PPP3CC: variants seen among roughly 807,000 people sequenced by gnomAD.
The protein encoded by PPP3CC is protein phosphatase 3 catalytic subunit gamma.
Under a neutral mutation model 60.3 loss-of-function variants are expected in PPP3CC, and 35 were observed. The ratio of observed to expected loss-of-function variants is 0.58; its 90% CI spans 0.44 to 0.77. The LOEUF (loss-of-function observed/expected upper bound fraction) is 0.77, where lower values mean the gene tolerates loss of function less well. Ranked by LOEUF, PPP3CC falls within the 30% of genes least tolerant of loss-of-function variation. The probability of loss-of-function intolerance (pLI) is 0.00; values close to 1 mark genes in which losing one functional copy is unlikely to be tolerated. For missense variants in PPP3CC, 570 were observed against 628.9 expected (o/e 0.91, Z 1.00); for synonymous variants, 206 against 224.3 (o/e 0.92, Z 0.73).
chr8:22,495,966 C>G (rs1203595379), intron 3 of PPP3CC, among the ~76,000 whole-genome samples: 1 of 152,168 alleles, frequency 6.6e-6, no homozygotes, highest in Non-Finnish European at 1.5e-5. Flanking sequence ...TCACCTACAC[C>G]AGGCTTAAGA....
intron 1 of PPP3CC, among the ~76,000 whole-genome samples, chr8:22,451,416 G>A (rs1837021822): frequency 1.3e-5 from 2 of 152,232 alleles, no homozygotes; most frequent in Non-Finnish European, 2.9e-5. Context: ...GATTACAGGC[G>A]TGAGCCACTG....
chr8:22,442,258 T>A (rs1213574729), intron 1 of PPP3CC, among the ~76,000 whole-genome samples: 2 of 152,208 alleles, frequency 1.3e-5, no homozygotes, highest in Non-Finnish European at 2.9e-5. Flanking sequence ...ACAACCCTTC[T>A]CTCTGAGATT....
At chr8:22,524,029 T>C (rs1839477006) in intron 8 of PPP3CC, among the ~76,000 whole-genome samples, 1 of 152,218 alleles carries the variant, frequency 6.6e-6, no homozygotes, top group African/African-American at 2.4e-5. Flanking sequence ...TCTCTGAGCC[T>C]CATCTTTAAA....
chr8:22,451,340 T>G (rs963445006), intron 1 of PPP3CC, among the ~76,000 whole-genome samples: 1 of 150,900 alleles, frequency 6.6e-6, no homozygotes, highest in Non-Finnish European at 1.5e-5. Context: ...TTCACCATGT[T>G]GGCCAGGCTG....
At chr8:22,474,035 T>C (rs1242080272) in intron 1 of PPP3CC, among the ~76,000 whole-genome samples, 1 of 151,964 alleles carries the variant, frequency 6.6e-6, no homozygotes, top group Non-Finnish European at 1.5e-5. Flanking sequence ...GCTGGGATTA[T>C]GGGCACTTGT....
At chr8:22,475,927 C>G (rs1230347867) in intron 3 of PPP3CC, among the ~76,000 whole-genome samples, 1 of 152,132 alleles carries the variant, frequency 6.6e-6, no homozygotes, top group Non-Finnish European at 1.5e-5. Flanking sequence ...ACATAAATTG[C>G]TGTTCACCCT....
At chr8:22,527,351 T>C (rs1212841214) in intron 8 of PPP3CC, 41 bp from the exon 9 acceptor site, 2 of 1,607,022 alleles carry the variant, frequency 1.2e-6, no homozygotes. Context: ...TGCCATGCCA[T>C]GTTCCTCTGT....
intron 9 of PPP3CC, among the ~76,000 whole-genome samples, chr8:22,528,142 C>G (rs1457493465): frequency 6.6e-6 from 1 of 152,170 alleles, no homozygotes; most frequent in East Asian, 1.9e-4. Context: ...TGTACAGCTA[C>G]TCAAATTAGC....
At chr8:22,536,176 A>G (rs958726880) in intron 12 of PPP3CC, among the ~76,000 whole-genome samples, 1 of 152,266 alleles carries the variant, frequency 6.6e-6, no homozygotes, top group Non-Finnish European at 1.5e-5. Flanking sequence ...TTTCACAGAA[A>G]GTATCAGTAA....
intron 2 of PPP3CC, 42 bp downstream of exon 2, chr8:22,475,193 T>A (rs1837850519): frequency 6.6e-7 from 1 of 1,524,846 alleles, no homozygotes; most frequent in Non-Finnish European, 9.0e-7. Context: ...CAGTATAGAT[T>A]TGCATGAGCA....
chr8:22,508,757 C>G (rs1288552556), intron 4 of PPP3CC, among the ~76,000 whole-genome samples: 1 of 152,194 alleles, frequency 6.6e-6, no homozygotes, highest in Non-Finnish European at 1.5e-5. Context: ...CTAGGATTTT[C>G]AGGAGAAAAA....
intron 3 of PPP3CC, among the ~76,000 whole-genome samples, chr8:22,487,734 C>T (rs1838267487): frequency 2.0e-5 from 3 of 152,124 alleles, no homozygotes; most frequent in African/African-American, 7.2e-5. Context: ...TTAAAGGGAA[C>T]ATTTTCAGCA....
intron 3 of PPP3CC, among the ~76,000 whole-genome samples, chr8:22,491,509 A>G (rs533732547): frequency 2.0e-5 from 3 of 152,168 alleles, no homozygotes; most frequent in Non-Finnish European, 4.4e-5. Flanking sequence ...CCTTTCAGAG[A>G]TAGGTTAAAC....
At chr8:22,485,950 C>T (rs983423853) in intron 3 of PPP3CC, among the ~76,000 whole-genome samples, 20 of 152,094 alleles carry the variant, frequency 1.3e-4, no homozygotes, top group Non-Finnish European at 2.1e-4. Flanking sequence ...ATTTCAGTAG[C>T]CATTAGATAA....
At chr8:22,447,683 A>G (rs1223899323) in intron 1 of PPP3CC, among the ~76,000 whole-genome samples, 1 of 152,040 alleles carries the variant, frequency 6.6e-6, no homozygotes, top group Non-Finnish European at 1.5e-5. Flanking sequence ...AAAACTTTCA[A>G]CCTAACCTAA....
At chr8:22,500,545 G>T (rs528240700) in intron 4 of PPP3CC, among the ~76,000 whole-genome samples, 78 of 152,196 alleles carry the variant, frequency 5.1e-4, no homozygotes, top group Non-Finnish European at 7.6e-4. Context: ...ATCTGCCACA[G>T]ATCCCTTTAC....
intron 1 of PPP3CC, among the ~76,000 whole-genome samples, chr8:22,470,424 A>C (rs1308268756): frequency 6.6e-6 from 1 of 152,230 alleles, no homozygotes; most frequent in African/African-American, 2.4e-5. Flanking sequence ...AGTTTAAAGA[A>C]TTGGTATATA....
At chr8:22,513,024 C>T (rs909427523) in intron 5 of PPP3CC, among the ~76,000 whole-genome samples, 81 of 150,978 alleles carry the variant, frequency 5.4e-4, no homozygotes, top group Non-Finnish European at 4.4e-5. Context: ...TGCGGTGAGC[C>T]GAGATCGTGC....
chr8:22,518,791 A>G (rs1185022181), intron 6 of PPP3CC, among the ~76,000 whole-genome samples: 1 of 152,050 alleles, frequency 6.6e-6, no homozygotes, highest in African/African-American at 2.4e-5. Flanking sequence ...GGTTCAAGCA[A>G]TTCTCCTGCC....
Sources: gnomAD v4.1 joint callset for allele counts (sites outside exome capture counted in the v4.1 genomes callset) on GRCh38, gnomAD v4.1.1 for gene constraint, MANE v1.5 for transcripts, NCBI Gene and HGNC (gene_info 2026-07-23, HGNC 2026-07-21) for gene names.